The following TAOK3 variants were observed in gnomAD, a reference collection of about 807,000 sequenced individuals.
The protein encoded by TAOK3 is serine/threonine-protein kinase TAO3.
TAOK3 carries 40 observed loss-of-function variants against 120.4 expected under a neutral mutation model. That is an observed-to-expected ratio of 0.33 (90% CI 0.26 to 0.43). The LOEUF is 0.43. TAOK3 is among the 20% of genes least tolerant of loss of function. TAOK3 has a pLI of 1.00. For synonymous variants in TAOK3, 355 were observed against 387.5 expected (o/e 0.92, Z 0.99); for missense variants, 821 against 1,112.1 (o/e 0.74, Z 3.72).
intron 1 of TAOK3, among the ~76,000 whole-genome samples, chr12:118,271,034 A>G (rs1012186843): frequency 2.0e-5 from 3 of 152,232 alleles, no homozygotes; most frequent in Non-Finnish European, 2.9e-5. Flanking sequence ...TTCAACACAC[A>G]TAGTTAGTAT....
At chr12:118,337,817 C>G (rs1383436312) in intron 1 of TAOK3, among the ~76,000 whole-genome samples, 1 of 152,196 alleles carries the variant, frequency 6.6e-6, no homozygotes, top group Non-Finnish European at 1.5e-5. Context: ...CATGATAACA[C>G]TTCTTCAATC....
chr12:118,297,961 G>A (rs2140643079), intron 1 of TAOK3, among the ~76,000 whole-genome samples: 1 of 152,204 alleles, frequency 6.6e-6, no homozygotes, highest in African/African-American at 2.4e-5. Context: ...TAAATTTTTT[G>A]TAGAGATGGG....
rs1318824951 is a variant in TAOK3, at chr12:118,255,467, C to A, written c.101G>T (p.Ser34Ile). 1 of 1,614,090 alleles carries A rather than the reference C, an allele frequency of 6.2e-7. No individual in the cohort carries two copies. The highest frequency in any genetic ancestry group is 8.5e-7 in the Non-Finnish European group (1 of 1,179,996). The stretch of plus-strand genomic sequence containing the variant: ...ACTTACAAAATAAACTGCTCCAAAA[C>A]TTCCATGTCCAATTTCATGCAAACC... ...FIGLHEIGHG[S>I]FGAVYFATNA... Residue 34 changes from serine to isoleucine, a missense_variant, in exon 3 of 21, where the codon AGT (serine) becomes ATT (isoleucine). By Grantham distance (142) the Ser-to-Ile change is moderately radical (BLOSUM62 -2). Transcript: ENST00000392533.
intron 9 of TAOK3, among the ~76,000 whole-genome samples, chr12:118,229,385 C>G (rs935083818): frequency 1.1e-4 from 17 of 152,038 alleles, no homozygotes; most frequent in African/African-American, 3.6e-4. Flanking sequence ...CAGGCATGAG[C>G]CACCGCATCT....
chr12:118,343,740 C>T (rs944838038), intron 1 of TAOK3, among the ~76,000 whole-genome samples: 2 of 152,026 alleles, frequency 1.3e-5, no homozygotes, highest in African/African-American at 4.8e-5. Context: ...AGGCTGGGCG[C>T]GGTGGCTCAC....
chr12:118,234,577 T>C (rs1440900578), intron 8 of TAOK3, among the ~76,000 whole-genome samples: 3 of 151,708 alleles, frequency 2.0e-5, no homozygotes, highest in East Asian at 3.9e-4. Flanking sequence ...GAGTCTTACT[T>C]TGTAGCCCAG....
chr12:118,284,922 T>C (rs1200474664), intron 1 of TAOK3, among the ~76,000 whole-genome samples: 1 of 151,960 alleles, frequency 6.6e-6, no homozygotes, highest in East Asian at 1.9e-4. Flanking sequence ...TAGCAACAAA[T>C]TGAGATGAGT....
Position 118,150,955 on chromosome 12 carries a change from T to TC in TAOK3, c.*41dup. On this transcript the variant is annotated 3_prime_UTR_variant, in exon 21 of 21. Transcript: ENST00000392533. ...GCAGGGTCTGAATTTTTTTCTGTTT[T>TC]CTTTTTTTTTTTTTTTTTTGTAAAT... The TC allele has an allele frequency of 6.7e-7, 1 of 1,496,416 alleles. No individual in the cohort carries two copies. The highest frequency in any genetic ancestry group is 9.0e-7 in the Non-Finnish European group (1 of 1,115,982). The allele number at this position is 1,496,416 out of a possible 1,614,324, so 92.7% of individuals were successfully genotyped here. A position where few individuals can be genotyped will look rare whatever the true frequency, so the allele number is the denominator to read the frequency against.
In TAOK3 at chr12:118,263,033, C is replaced by A. The variant is rs77764841; in HGVS notation, c.-89+3622G>T. Among the ~76,000 whole-genome samples, 138 of 152,038 alleles carry A rather than the reference C, an allele frequency of 9.1e-4. 2 individuals carry two copies. In the East Asian group the frequency reaches 0.014, roughly 16 times the overall value. The stretch of plus-strand genomic sequence containing the variant: ...GAGAATTCAAAGGACCCAGAATAAC[C>A]AAAGCAACTTTGAAAAAGGAGGACA... On this transcript the variant is annotated intron_variant, in intron 2 of 20. Transcript: ENST00000392533.
At chr12:118,324,018 T>C (rs1378888574) in intron 1 of TAOK3, among the ~76,000 whole-genome samples, 1 of 152,146 alleles carries the variant, frequency 6.6e-6, no homozygotes, top group African/African-American at 2.4e-5. Flanking sequence ...AAATCACAGC[T>C]GTGAATAATA....
chr12:118,369,273 T>G (rs1360660497), intron 1 of TAOK3, among the ~76,000 whole-genome samples: 1 of 152,186 alleles, frequency 6.6e-6, no homozygotes, highest in East Asian at 1.9e-4. Context: ...AGTTTTAGTT[T>G]TTTGAAACAA....
At chr12:118,343,569 G>C (rs970519609) in intron 1 of TAOK3, among the ~76,000 whole-genome samples, 4 of 152,066 alleles carry the variant, frequency 2.6e-5, no homozygotes, top group Non-Finnish European at 5.9e-5. Flanking sequence ...GAACTGTATG[G>C]GGTGCACCTG....
intron 1 of TAOK3, among the ~76,000 whole-genome samples, chr12:118,284,494 A>G (rs1464395432): frequency 6.6e-6 from 1 of 152,232 alleles, no homozygotes; most frequent in Non-Finnish European, 1.5e-5. Context: ...AACAAGAGAT[A>G]GGAAGATGTT....
intron 1 of TAOK3, among the ~76,000 whole-genome samples, chr12:118,341,916 G>A (rs1191651567): frequency 6.6e-6 from 1 of 152,148 alleles, no homozygotes; most frequent in African/African-American, 2.4e-5. Flanking sequence ...CCAGCTACTT[G>A]GGAGGCTGAG....
chr12:118,197,804 C>T (rs1486441396), intron 13 of TAOK3, among the ~76,000 whole-genome samples: 1 of 150,354 alleles, frequency 6.7e-6, no homozygotes, highest in African/African-American at 2.4e-5. Flanking sequence ...TCTCCTGCCT[C>T]AGCCTCCCGA....
intron 17 of TAOK3, among the ~76,000 whole-genome samples, chr12:118,166,827 T>TAC (rs769244693): frequency 0.014 from 2,028 of 146,694 alleles, 21 homozygotes; most frequent in Middle Eastern, 0.046. Context: ...TATATATATA[T>TAC]ACACACACAC....
chr12:118,348,302 T>C (rs1395648386), intron 1 of TAOK3, among the ~76,000 whole-genome samples: 1 of 152,252 alleles, frequency 6.6e-6, no homozygotes, highest in Non-Finnish European at 1.5e-5. Flanking sequence ...TAATTGAATA[T>C]GACTTGCATC....
At chr12:118,240,249 G>A (rs567972789) in intron 5 of TAOK3, among the ~76,000 whole-genome samples, 1 of 143,858 alleles carries the variant, frequency 7.0e-6, no homozygotes, top group South Asian at 2.2e-4. Flanking sequence ...GCACGATCTT[G>A]GCTCACTGCA....
chr12:118,186,665 T>C (rs1437796749), intron 14 of TAOK3, among the ~76,000 whole-genome samples: 1 of 152,170 alleles, frequency 6.6e-6, no homozygotes, highest in Non-Finnish European at 1.5e-5. Flanking sequence ...AAAGATGCCA[T>C]GAAATACCCT....
Sources: allele counts gnomAD v4.1 joint callset (sites outside exome capture counted in the v4.1 genomes callset), GRCh38; gene constraint gnomAD v4.1.1; transcripts MANE v1.5; gene names NCBI Gene and HGNC (gene_info 2026-07-23, HGNC 2026-07-21).